CUX1: variants seen among roughly 807,000 people sequenced by gnomAD.
CUX1 encodes cut like homeobox 1.
CUX1 carries 31 observed loss-of-function variants against 158.8 expected under a neutral mutation model. That is an observed-to-expected ratio of 0.20 (90% confidence interval 0.15 to 0.26). The LOEUF (loss-of-function observed/expected upper bound fraction) is 0.26, where lower values mean the gene tolerates loss of function less well. Ranked by LOEUF, CUX1 falls within the 10% of genes least tolerant of loss-of-function variation. The pLI is 1.00. For synonymous variants in CUX1, 879 were observed against 862.1 expected (o/e 1.02, Z -0.34); for missense variants, 1,589 against 2,014.6 (o/e 0.79, Z 4.04).
At chr7:102,148,234 A>G (rs1420461305) in intron 8 of CUX1, among the ~76,000 whole-genome samples, 1 of 152,106 alleles carries the variant, frequency 6.6e-6, no homozygotes, top group Non-Finnish European at 1.5e-5. Context: ...TGGTGCTTCC[A>G]AGAAACAGAA....
chr7:102,106,450 G>C (rs550473067), intron 6 of CUX1, among the ~76,000 whole-genome samples: 100 of 152,234 alleles, frequency 6.6e-4, no homozygotes, highest in Non-Finnish European at 1.2e-3. Context: ...GTGGGGCTTA[G>C]ACACTGGACC....
intron 20 of CUX1, among the ~76,000 whole-genome samples, chr7:102,223,893 C>T (rs1479317307): frequency 6.6e-6 from 1 of 152,070 alleles, no homozygotes; most frequent in Non-Finnish European, 1.5e-5. Flanking sequence ...CGTTTGAACC[C>T]GGGAGGCGGA....
At chr7:102,041,253 A>ATTTT (rs1563165586) in intron 3 of CUX1, among the ~76,000 whole-genome samples, 1 of 66,068 alleles carries the variant, frequency 1.5e-5, no homozygotes, top group Non-Finnish European at 2.9e-5. Flanking sequence ...CCTCTTATCC[A>ATTTT]TTCTTTTTTT....
intron 8 of CUX1, among the ~76,000 whole-genome samples, chr7:102,117,795 A>C (rs1429651294): frequency 6.6e-6 from 1 of 152,206 alleles, no homozygotes; most frequent in African/African-American, 2.4e-5. Flanking sequence ...AGCCTGGCGA[A>C]GCCTGTCTTG....
rs112831812 is a variant in CUX1 at position 102,204,026 on chromosome 7, G to A, written c.2908-365G>A. 2.6e-3 allele frequency among the ~76,000 whole-genome samples: 389 copies of A among 152,278 alleles called. 3 individuals carry two copies. The highest frequency in any genetic ancestry group is 8.8e-3 in the African/African-American group (365 of 41,576). ...TGTCCCTGGAACCTTAGCCTTTCCC[G>A]GTGCCACCAAGTGAAGAGCAAGGTG... On this transcript the variant is annotated intron_variant, in intron 18 of 23. Transcript: ENST00000292535.
At chr7:101,885,153 A>G (rs1253811428) in intron 1 of CUX1, among the ~76,000 whole-genome samples, 2 of 152,202 alleles carry the variant, frequency 1.3e-5, no homozygotes, top group African/African-American at 4.8e-5. Context: ...GGAGTCTGGG[A>G]GGAATCTTCC....
At chr7:102,027,751 A>G (rs535850262) in intron 2 of CUX1, among the ~76,000 whole-genome samples, 109 of 152,282 alleles carry the variant, frequency 7.2e-4, no homozygotes, top group African/African-American at 2.5e-3. Context: ...AGTCTCAGCT[A>G]CTTGGTAGGC....
intron 1 of CUX1, among the ~76,000 whole-genome samples, chr7:101,819,895 G>C (rs1209058015): frequency 6.6e-6 from 1 of 152,160 alleles, no homozygotes; most frequent in East Asian, 1.9e-4. Flanking sequence ...ACCTAAGAAA[G>C]CTGAAAGGGC....
At position 102,249,006 on chromosome 7, in the gene CUX1, C is replaced by T; in HGVS notation, c.4482C>T (p.Ala1494=). The change falls in exon 24 of 24, where the codon GCC becomes GCT. Residue 1494 remains alanine (A), a synonymous_variant. Transcript: ENST00000292535. ...LNSIIHRLEK[A]ASREEPIEWE... Reference sequence around the variant, plus strand: ...GCATCATCCACCGCCTGGAGAAGGCCGCCAGCCGGGAGGAACCTATCGAAT... The same window carrying T: ...GCATCATCCACCGCCTGGAGAAGGCTGCCAGCCGGGAGGAACCTATCGAAT... 7.1e-7 allele frequency: 1 copy of T among 1,402,458 alleles called. No individual in the cohort carries two copies. Among genetic ancestry groups the T allele is most frequent in the East Asian group, 2.9e-5 (1 of 34,120 alleles). The allele number at this position is 1,402,458 out of a possible 1,614,324, so 86.9% of individuals were successfully genotyped here.
At chr7:101,950,622 G>T (rs1015590261) in intron 2 of CUX1, among the ~76,000 whole-genome samples, 1 of 152,136 alleles carries the variant, frequency 6.6e-6, no homozygotes, top group Non-Finnish European at 1.5e-5. Flanking sequence ...TTTATCTATT[G>T]TCTGTGGCTG....
In CUX1 at chr7:102,198,858, G is replaced by C; in HGVS notation, c.1951G>C (p.Gly651Arg). 1 of 1,614,124 alleles carries C rather than the reference G, an allele frequency of 6.2e-7. No individual in the cohort carries two copies. The highest frequency in any genetic ancestry group is 8.5e-7 in the Non-Finnish European group (1 of 1,179,966). The change falls in exon 16 of 24, where the codon GGG becomes CGG. Residue 651 changes from glycine (G) to arginine (R), a missense_variant. Coordinates refer to ENST00000292535, the MANE Select transcript of CUX1 (RefSeq NM_181552.4). ...TCAGGAAGTACCGAAACGAAGAAAT[G>C]GGTCTGAAGGTATGTTGCAGGCAGG... ...LFQEVPKRRN[G>R]SEGNITTRIR...
At chr7:101,947,171 T>C (rs956383435) in intron 2 of CUX1, among the ~76,000 whole-genome samples, 4 of 152,162 alleles carry the variant, frequency 2.6e-5, no homozygotes, top group African/African-American at 9.7e-5. Flanking sequence ...GGAGGATCCC[T>C]TGAGCCCAGG....
rs542765617 is a variant in CUX1, at chr7:102,178,537, C to T, written c.897C>T (p.Ile299=). 8.5e-5 allele frequency: 137 copies of T among 1,613,562 alleles called. No homozygotes were observed. Among genetic ancestry groups the T allele is most frequent in the Non-Finnish European group, 1.2e-4 (136 of 1,179,742 alleles). Residue 299 remains isoleucine, a synonymous_variant, in exon 11 of 24, where the codon ATC becomes ATT. Transcript: ENST00000292535. ...EVELAAKERE[I]AQLVEDVQRL... ...AGTTGGCCGCCAAGGAGCGGGAGAT[C>T]GCACAGCTGGTGGAGGACGTGCAGA...
At chr7:101,893,451 C>T (rs1801117845) in intron 1 of CUX1, among the ~76,000 whole-genome samples, 1 of 152,088 alleles carries the variant, frequency 6.6e-6, no homozygotes, top group African/African-American at 2.4e-5. Flanking sequence ...ACATCAGCTC[C>T]AGGCTGTGGT....
chr7:102,036,546 A>G (rs1258503560), intron 3 of CUX1, among the ~76,000 whole-genome samples: 2 of 151,714 alleles, frequency 1.3e-5, no homozygotes, highest in African/African-American at 4.8e-5. Flanking sequence ...TCCATACACC[A>G]GCCTGACCAA....
At chr7:102,187,730 C>A (rs1793790071) in intron 11 of CUX1, among the ~76,000 whole-genome samples, 1 of 150,902 alleles carries the variant, frequency 6.6e-6, no homozygotes, top group Non-Finnish European at 1.5e-5. Flanking sequence ...AGGATGGTCT[C>A]AATCTCCTGA....
chr7:101,837,650 G>A (rs2131110197), intron 1 of CUX1, among the ~76,000 whole-genome samples: 1 of 151,618 alleles, frequency 6.6e-6, no homozygotes, highest in South Asian at 2.1e-4. Context: ...GCAACATAGT[G>A]AGACCCTCTC....
intron 21 of CUX1, among the ~76,000 whole-genome samples, chr7:102,228,867 C>A (rs1798635261): frequency 6.6e-6 from 1 of 152,164 alleles, no homozygotes; most frequent in Non-Finnish European, 1.5e-5. Context: ...GCAGCGTCCA[C>A]CCGGCAGTGC....
At chr7:101,975,299 C>T (rs1477961132) in intron 2 of CUX1, among the ~76,000 whole-genome samples, 2 of 151,974 alleles carry the variant, frequency 1.3e-5, no homozygotes, top group Admixed American at 6.6e-5. Flanking sequence ...AGGCTCACGC[C>T]TGTAATCTCA....
Sources: allele counts gnomAD v4.1 joint callset (sites outside exome capture counted in the v4.1 genomes callset), GRCh38; gene constraint gnomAD v4.1.1; transcripts MANE v1.5; gene names NCBI Gene and HGNC (gene_info 2026-07-23, HGNC 2026-07-21).